The following NALF1 variants were observed in gnomAD, a reference collection of about 807,000 sequenced individuals.
NALF1 encodes NALCN channel auxiliary factor 1.
In NALF1, 3 loss-of-function variants were observed where a neutral mutation model predicts 48.4. The observed-to-expected ratio is 0.06, with a 90% CI of 0.03 to 0.16. The LOEUF is 0.16. Ranked by LOEUF, NALF1 falls within the 10% of genes least tolerant of loss-of-function variation. The pLI, the probability that NALF1 is intolerant of heterozygous loss-of-function variation, is 1.00. For missense variants in NALF1, 526 were observed against 571.5 expected (o/e 0.92, Z 0.81); for synonymous variants, 262 against 245.7 (o/e 1.07, Z -0.62).
chr13:107,225,414 C>T (rs778405706), intron 1 of NALF1, among the ~76,000 whole-genome samples: 16 of 152,110 alleles, frequency 1.1e-4, no homozygotes, highest in Non-Finnish European at 2.4e-4. Flanking sequence ...GTAACTGGGA[C>T]AACAGGTGCA....
intron 1 of NALF1, among the ~76,000 whole-genome samples, chr13:107,467,776 C>T (rs1208659673): frequency 1.3e-5 from 2 of 152,172 alleles, no homozygotes; most frequent in Non-Finnish European, 2.9e-5. Context: ...TGCGGTGGCC[C>T]ACGCCTGTAA....
At chr13:107,771,397 C>T (rs1171048547) in intron 1 of NALF1, among the ~76,000 whole-genome samples, 1 of 151,602 alleles carries the variant, frequency 6.6e-6, no homozygotes, top group Non-Finnish European at 1.5e-5. Context: ...GATTGCATGT[C>T]ATTTTATGCA....
At chr13:107,602,267 A>G (rs1200608242) in intron 1 of NALF1, among the ~76,000 whole-genome samples, 3 of 152,182 alleles carry the variant, frequency 2.0e-5, no homozygotes, top group African/African-American at 4.8e-5. Context: ...ATATACTCAG[A>G]TCATAAGAGG....
intron 1 of NALF1, among the ~76,000 whole-genome samples, chr13:107,278,422 TC>T (rs1351809762): frequency 6.6e-6 from 1 of 152,234 alleles, no homozygotes; most frequent in Non-Finnish European, 1.5e-5. Flanking sequence ...GACTGTAAGC[TC>T]CCTGGAATTA....
At chr13:107,553,056 T>G (rs963905149) in intron 1 of NALF1, among the ~76,000 whole-genome samples, 6 of 152,054 alleles carry the variant, frequency 3.9e-5, no homozygotes, top group Non-Finnish European at 1.5e-5. Context: ...CTCATAAATA[T>G]AAATAGATGA....
At chr13:107,820,302 T>A (rs1879327494) in intron 1 of NALF1, among the ~76,000 whole-genome samples, 1 of 152,198 alleles carries the variant, frequency 6.6e-6, no homozygotes, top group African/African-American at 2.4e-5. Context: ...TCCAAAGAAA[T>A]TTTATAGTCA....
At chr13:107,577,854 A>G (rs1033581522) in intron 1 of NALF1, among the ~76,000 whole-genome samples, 1 of 151,964 alleles carries the variant, frequency 6.6e-6, no homozygotes, top group Admixed American at 6.6e-5. Context: ...CTCTTCCTTC[A>G]TCGCTTGAGT....
intron 2 of NALF1, among the ~76,000 whole-genome samples, chr13:107,203,847 C>T (rs1879574733): frequency 6.6e-6 from 1 of 152,266 alleles, no homozygotes; most frequent in South Asian, 2.1e-4. Flanking sequence ...AGAAGGATAA[C>T]TTGAACTACG....
chr13:107,591,079 C>T (rs1878589562), intron 1 of NALF1, among the ~76,000 whole-genome samples: 10 of 151,840 alleles, frequency 6.6e-5, no homozygotes, highest in Admixed American at 6.6e-4. Flanking sequence ...GAAAAGAGAC[C>T]AACCAGTGAT....
chr13:107,207,775 A>C (rs112332232), intron 2 of NALF1, among the ~76,000 whole-genome samples: 1 of 152,216 alleles, frequency 6.6e-6, no homozygotes, highest in African/African-American at 2.4e-5. Flanking sequence ...CCTTCCAAAT[A>C]GCTGCGACTA....
At chr13:107,792,805 C>G (rs1403495710) in intron 1 of NALF1, among the ~76,000 whole-genome samples, 1 of 147,316 alleles carries the variant, frequency 6.8e-6, no homozygotes, top group African/African-American at 2.4e-5. Context: ...TCTTTTTAAT[C>G]ATTTTGTTTG....
intron 1 of NALF1, among the ~76,000 whole-genome samples, chr13:107,676,552 T>C (rs966249961): frequency 6.7e-6 from 1 of 150,202 alleles, no homozygotes; most frequent in Admixed American, 6.6e-5. Flanking sequence ...AGACAAAACG[T>C]TGTTATCACA....
At position 107,508,273 on chromosome 13, in the gene NALF1, C is replaced by T. The variant is rs1464360305; in HGVS notation, c.916-297518G>A. Among the ~76,000 whole-genome samples the T allele has an allele frequency of 6.6e-5, 10 of 151,664 alleles. No homozygotes were observed. The South Asian group carries it at 1.9e-3, about 28-fold the overall frequency. On this transcript the variant is annotated intron_variant, in intron 1 of 2. Transcript: ENST00000375915. ...GGATATCTGAGATTAGTCATAAATG[C>T]TCTAAACTAATGCATAATCTAAGGA...
At chr13:107,794,375 A>C (rs939146528) in intron 1 of NALF1, among the ~76,000 whole-genome samples, 2 of 151,926 alleles carry the variant, frequency 1.3e-5, no homozygotes, top group African/African-American at 4.8e-5. Context: ...CGGTACTATT[A>C]GAATTGCTCA....
chr13:107,577,273 G>A (rs946624974), intron 1 of NALF1, among the ~76,000 whole-genome samples: 4 of 152,134 alleles, frequency 2.6e-5, no homozygotes, highest in African/African-American at 9.7e-5. Flanking sequence ...TAAGATGTGG[G>A]GAAAGGTGAA....
chr13:107,844,784 C>T (rs1880128890), intron 1 of NALF1, among the ~76,000 whole-genome samples: 1 of 152,140 alleles, frequency 6.6e-6, no homozygotes, highest in Admixed American at 6.6e-5. Context: ...AAGAACCACA[C>T]AGAAAAAGAC....
At chr13:107,815,745 T>C (rs1879144448) in intron 1 of NALF1, among the ~76,000 whole-genome samples, 2 of 152,128 alleles carry the variant, frequency 1.3e-5, no homozygotes, top group African/African-American at 4.8e-5. Context: ...CCAATGTCCA[T>C]CAACTGGTGA....
chr13:107,735,488 G>GA (rs560409976), intron 1 of NALF1, among the ~76,000 whole-genome samples: 186 of 152,256 alleles, frequency 1.2e-3, no homozygotes, highest in African/African-American at 4.3e-3. Flanking sequence ...TATAACATCA[G>GA]AAAAAACTCA....
chr13:107,610,451 A>C (rs892157267), intron 1 of NALF1, among the ~76,000 whole-genome samples: 1 of 152,096 alleles, frequency 6.6e-6, no homozygotes, highest in African/African-American at 2.4e-5. Flanking sequence ...ATTTCAAGTA[A>C]AAAAAAGACA....
Sources: allele counts gnomAD v4.1 joint callset (sites outside exome capture counted in the v4.1 genomes callset), GRCh38; gene constraint gnomAD v4.1.1; transcripts MANE v1.5; gene names NCBI Gene and HGNC (gene_info 2026-07-23, HGNC 2026-07-21).